RELN: variants seen among roughly 807,000 people sequenced by gnomAD.
The protein encoded by RELN is reelin.
A neutral mutation model predicts 427.6 loss-of-function variants in RELN; 108 were observed. That is an observed-to-expected ratio of 0.25 (90% confidence interval 0.22 to 0.30). The LOEUF is 0.30. RELN is among the 10% of genes least tolerant of loss of function. The pLI is 1.00. For synonymous variants in RELN, 1,524 were observed against 1,513.4 expected (o/e 1.01, Z -0.16); for missense variants, 3,715 against 4,302.8 (o/e 0.86, Z 3.82).
At chr7:103,474,007 G>C (rs891638023) in intron 64 of RELN, among the ~76,000 whole-genome samples, 2 of 152,080 alleles carry the variant, frequency 1.3e-5, no homozygotes, top group Non-Finnish European at 1.5e-5. Context: ...GGGTAGGAGA[G>C]GGGGGAAAGG....
intron 16 of RELN, among the ~76,000 whole-genome samples, chr7:103,645,949 A>G (rs1328621545): frequency 6.6e-6 from 1 of 151,932 alleles, no homozygotes; most frequent in African/African-American, 2.4e-5. Flanking sequence ...AAATGACAGT[A>G]GAATAAAACT....
intron 2 of RELN, among the ~76,000 whole-genome samples, chr7:103,834,977 T>C (rs1215533603): frequency 1.3e-5 from 2 of 152,170 alleles, no homozygotes; most frequent in Non-Finnish European, 2.9e-5. Flanking sequence ...TGAAAATATA[T>C]GCCTGACAAA....
At chr7:103,589,506 T>G (rs1183857146) in intron 28 of RELN, 90 bp downstream of exon 28, 4 of 875,402 alleles carry the variant, frequency 4.6e-6, no homozygotes, top group Non-Finnish European at 7.7e-6. Context: ...TTCGGGGTTT[T>G]GATCTTTCAG....
intron 50 of RELN, 44 bp from the exon 51 acceptor site, chr7:103,511,049 A>C: frequency 3.3e-6 from 5 of 1,502,018 alleles, no homozygotes; most frequent in Non-Finnish European, 4.6e-6. Flanking sequence ...TTGTGACAAA[A>C]ATACTTGAAG....
chr7:103,810,145 T>C (rs1421888054), intron 3 of RELN, among the ~76,000 whole-genome samples: 2 of 152,168 alleles, frequency 1.3e-5, no homozygotes, highest in Admixed American at 6.6e-5. Context: ...CCTTCTGTAG[T>C]AATTTTTCCC....
intron 1 of RELN, among the ~76,000 whole-genome samples, chr7:103,972,105 A>C (rs540496073): frequency 9.9e-5 from 15 of 152,248 alleles, no homozygotes; most frequent in South Asian, 6.2e-4. Flanking sequence ...ATAAAAAAAT[A>C]AAAAAATCTC....
intron 48 of RELN, among the ~76,000 whole-genome samples, chr7:103,521,472 T>G (rs1829708159): frequency 6.6e-6 from 1 of 152,204 alleles, no homozygotes; most frequent in Non-Finnish European, 1.5e-5. Flanking sequence ...TAATAATTAT[T>G]CTTTCCTGGA....
At chr7:103,798,431 G>A (rs1792364005) in intron 3 of RELN, among the ~76,000 whole-genome samples, 1 of 152,146 alleles carries the variant, frequency 6.6e-6, no homozygotes, top group African/African-American at 2.4e-5. Context: ...GACTCAATGA[G>A]CTAATGCCCA....
chr7:103,833,031 A>T (rs188150305), intron 3 of RELN, among the ~76,000 whole-genome samples: 4 of 152,206 alleles, frequency 2.6e-5, no homozygotes, highest in Non-Finnish European at 5.9e-5. Flanking sequence ...ACAATGTGAT[A>T]TTTTCATATA....
At chr7:103,974,336 A>C (rs1796827338) in intron 1 of RELN, among the ~76,000 whole-genome samples, 1 of 152,190 alleles carries the variant, frequency 6.6e-6, no homozygotes, top group East Asian at 1.9e-4. Context: ...CATGACTTAA[A>C]AGTGCAAAGC....
intron 10 of RELN, among the ~76,000 whole-genome samples, chr7:103,697,647 C>T (rs556028070): frequency 3.9e-5 from 6 of 152,226 alleles, no homozygotes; most frequent in Admixed American, 6.5e-5. Flanking sequence ...CTCAAAAATA[C>T]TTGTTAAATG....
intron 38 of RELN, among the ~76,000 whole-genome samples, chr7:103,554,372 A>G (rs1350277513): frequency 6.6e-6 from 1 of 151,960 alleles, no homozygotes; most frequent in Non-Finnish European, 1.5e-5. Context: ...AGCCTGGGCA[A>G]TATGGCAAAA....
chr7:103,632,844 GA>G (rs1484658034), intron 19 of RELN, among the ~76,000 whole-genome samples: 1 of 151,912 alleles, frequency 6.6e-6, no homozygotes, highest in Non-Finnish European at 1.5e-5. Flanking sequence ...TATGGAATTG[GA>G]TGACATGATA....
chr7:103,849,860 T>C, intron 2 of RELN, among the ~76,000 whole-genome samples: 1 of 152,188 alleles, frequency 6.6e-6, no homozygotes, highest in South Asian at 2.1e-4. Context: ...CGGAAAAAGT[T>C]TTTCAACTCC....
At position 103,949,133 on chromosome 7, in the gene RELN, A is replaced by G. The variant is rs146271679; in HGVS notation, c.227-31948T>C. ...TATATATATGTGTATACACACACAC[A>G]TTGCATTTTTAGTTAGTTTAAAAAG... On this transcript the variant is annotated intron_variant, in intron 1 of 64. Transcript: ENST00000428762. Among the ~76,000 whole-genome samples, 880 of 151,960 alleles carry G rather than the reference A, an allele frequency of 5.8e-3. 9 individuals are homozygous for G. The highest frequency in any genetic ancestry group is 5.1e-3 in the Non-Finnish European group (347 of 67,980).
In RELN at chr7:103,519,295, G is replaced by A. The variant is rs375778542; in HGVS notation, c.7862+28C>T. 356 of 1,554,486 alleles carry A rather than the reference G, an allele frequency of 2.3e-4. 3 individuals carry two copies. The South Asian group carries it at 2.8e-3, about 12-fold the overall frequency. On this transcript the variant is annotated intron_variant, in intron 49 of 64. Coordinates refer to ENST00000428762, the MANE Select transcript of RELN (RefSeq NM_005045.4). ...GTAGCAATCTCTGCTCGATGTACTC[G>A]TTATTAGATATCAAATCGAATACAA...
chr7:103,692,760 C>T (rs192487471), intron 10 of RELN, among the ~76,000 whole-genome samples: 1 of 152,072 alleles, frequency 6.6e-6, no homozygotes, highest in East Asian at 1.9e-4. Context: ...TTTGAATGAC[C>T]AGTGGAAAAA....
Position 103,510,951 on chromosome 7 carries a change from G to A in RELN, c.8174C>T (p.Ser2725Phe), listed in dbSNP as rs138975709. The change falls in exon 51 of 65, where the codon TCC becomes TTC. Residue 2725 changes from serine to phenylalanine, a missense_variant. Coordinates refer to ENST00000428762, the MANE Select transcript of RELN (RefSeq NM_005045.4). ...GCCACAGAGCATCACACCATCAGGG[G>A]AGTCACAGAATCTTTCTACTGTACA... ...DDCTVERFCDSPDGVMLCGSH... is the reference protein window; with the variant it reads ...DDCTVERFCDFPDGVMLCGSH... 3.1e-5 allele frequency: 50 copies of A among 1,612,968 alleles called. No homozygotes were observed. In the South Asian group the frequency reaches 3.2e-4, roughly 10 times the overall value.
Position 103,741,800 on chromosome 7 carries a change from T to C in RELN, c.656+7626A>G, listed in dbSNP as rs116384141. 3.1e-3 allele frequency among the ~76,000 whole-genome samples: 471 copies of C among 152,080 alleles called. 2 individuals are homozygous for C. The highest frequency in any genetic ancestry group is 0.011 in the African/African-American group (463 of 41,486). On this transcript the variant is annotated intron_variant, in intron 6 of 64. Coordinates refer to ENST00000428762, the MANE Select transcript of RELN (RefSeq NM_005045.4). ...GTAATACAATGCTGCAAGAAGATAT[T>C]TGAGGGGGAGAAGAGCCAAGATGGC... is the stretch of plus-strand genomic sequence containing the variant.
Sources: gnomAD v4.1 joint callset for allele counts (sites outside exome capture counted in the v4.1 genomes callset) on GRCh38, gnomAD v4.1.1 for gene constraint, MANE v1.5 for transcripts, NCBI Gene and HGNC (gene_info 2026-07-23, HGNC 2026-07-21) for gene names.